Variants in SLC24A2 observed in about 807,000 individuals in gnomAD.
SLC24A2 encodes the protein solute carrier family 24 member 2, also known as sodium/potassium/calcium exchanger 2.
In SLC24A2, 36 loss-of-function variants were observed where a neutral mutation model predicts 62.0. That is an observed-to-expected ratio of 0.58 (90% CI 0.44 to 0.77). SLC24A2 has a LOEUF of 0.77. Among genes scored for constraint, SLC24A2 ranks in the 30% least tolerant of loss-of-function variants. The pLI, the probability that SLC24A2 is intolerant of heterozygous loss-of-function variation, is 0.00. For synonymous variants in SLC24A2, 358 were observed against 294.0 expected (o/e 1.22, Z -2.23); for missense variants, 846 against 817.9 (o/e 1.03, Z -0.42).
At chr9:20,174,041 A>G in the SLC24A2 span, among the ~76,000 whole-genome samples, 1 of 151,952 alleles carries the variant, frequency 6.6e-6, no homozygotes, top group African/African-American at 2.4e-5. Context: ...CCAGAAATAA[A>G]CCGAAATACT....
At chr9:20,249,895 A>T in the SLC24A2 span, among the ~76,000 whole-genome samples, 1 of 152,184 alleles carries the variant, frequency 6.6e-6, no homozygotes, top group Non-Finnish European at 1.5e-5. Context: ...ACATAGACTC[A>T]TCTGTATAGA....
chr9:19,547,649 C>T (rs914689429), intron 8 of SLC24A2, among the ~76,000 whole-genome samples: 6 of 151,610 alleles, frequency 4.0e-5, no homozygotes, highest in Non-Finnish European at 7.3e-5. Flanking sequence ...CATTCCTGCA[C>T]ATCTTCCTGA....
the SLC24A2 span, among the ~76,000 whole-genome samples, chr9:19,899,249 T>C: frequency 6.6e-6 from 1 of 152,208 alleles, no homozygotes; most frequent in Non-Finnish European, 1.5e-5. Context: ...AAGGGGAAAT[T>C]GCCCCCTTGG....
the SLC24A2 span, among the ~76,000 whole-genome samples, chr9:19,959,096 T>G: frequency 1.3e-5 from 2 of 151,826 alleles, no homozygotes; most frequent in South Asian, 2.1e-4. Flanking sequence ...CATCTCTCAC[T>G]GTAAATGTGT....
chr9:20,053,035 A>C, the SLC24A2 span, among the ~76,000 whole-genome samples: 102 of 152,310 alleles, frequency 6.7e-4, 1 homozygote, highest in East Asian at 0.018. Context: ...GTTTCATTGA[A>C]TATAAAATAT....
the SLC24A2 span, among the ~76,000 whole-genome samples, chr9:20,123,635 T>C: frequency 2.0e-5 from 3 of 152,180 alleles, no homozygotes; most frequent in Non-Finnish European, 4.4e-5. Flanking sequence ...AACGTCTGCC[T>C]CATAGGATTG....
chr9:19,550,223 A>C lies in SLC24A2; in HGVS notation c.1393T>G (p.Ser465Ala), dbSNP rs748713256. 6.2e-7 allele frequency: 1 copy of C among 1,614,174 alleles called. No individual in the cohort carries two copies. The highest frequency in any genetic ancestry group is 1.3e-5 in the African/African-American group (1 of 75,062). ...EDQPLSLAWPSETRKQVTFLI... is the reference protein window; with the variant it reads ...EDQPLSLAWPAETRKQVTFLI... ...AACGTGACTTGCTTGCGGGTTTCAG[A>C]AGGCCAGGCAAGGCTGAGAGGCTGG... is the stretch of plus-strand genomic sequence containing the variant. Residue 465 changes from serine (S) to alanine (A), a missense_variant, in exon 8 of 11, where the codon TCT becomes GCT. Coordinates refer to ENST00000341998, the MANE Select transcript of SLC24A2 (RefSeq NM_020344.4).
At chr9:19,665,529 T>C (rs1053297197) in intron 2 of SLC24A2, among the ~76,000 whole-genome samples, 7 of 152,146 alleles carry the variant, frequency 4.6e-5, no homozygotes, top group Non-Finnish European at 7.4e-5. Context: ...AAACAGGCTT[T>C]AGAATCAGGC....
chr9:19,637,528 A>G (rs759560816), intron 2 of SLC24A2, among the ~76,000 whole-genome samples: 11 of 152,226 alleles, frequency 7.2e-5, no homozygotes, highest in Admixed American at 2.6e-4. Flanking sequence ...CCCAAAACAA[A>G]TAAGAAAAAG....
chr9:20,283,580 A>C, the SLC24A2 span, among the ~76,000 whole-genome samples: 2 of 152,174 alleles, frequency 1.3e-5, no homozygotes, highest in African/African-American at 4.8e-5. Flanking sequence ...TTGCCTCTTC[A>C]GAAGAAATAA....
At chr9:19,884,541 A>G in the SLC24A2 span, among the ~76,000 whole-genome samples, 1 of 152,254 alleles carries the variant, frequency 6.6e-6, no homozygotes, top group Non-Finnish European at 1.5e-5. Flanking sequence ...GGAAGTGAAT[A>G]AAGTGCAACT....
chr9:19,821,251 C>T, the SLC24A2 span, among the ~76,000 whole-genome samples: 1 of 151,902 alleles, frequency 6.6e-6, no homozygotes, highest in African/African-American at 2.4e-5. Context: ...ATTTGATTCC[C>T]AAAATGAAAT....
the SLC24A2 span, among the ~76,000 whole-genome samples, chr9:20,304,238 T>G: frequency 0.011 from 1,607 of 152,202 alleles, 30 homozygotes; most frequent in African/African-American, 0.037. Flanking sequence ...GGATGCTCTG[T>G]CCCTCACTGC....
At position 19,648,481 on chromosome 9, in the gene SLC24A2, A is replaced by G. The variant is rs772243506; in HGVS notation, c.931-26182T>C. 5.3e-5 allele frequency among the ~76,000 whole-genome samples: 8 copies of G among 152,208 alleles called. No homozygotes were observed. The South Asian group carries it at 6.2e-4, about 12-fold the overall frequency. ...AAAGTTGAGGTAAGAAAAAGAATCA[A>G]TTTGGCTAAAACTAGAACCTACACC... is the stretch of plus-strand genomic sequence containing the variant. On this transcript the variant is annotated intron_variant, in intron 2 of 10. Coordinates refer to ENST00000341998, the MANE Select transcript of SLC24A2 (RefSeq NM_020344.4).
At chr9:19,859,007 C>G in the SLC24A2 span, among the ~76,000 whole-genome samples, 1 of 152,014 alleles carries the variant, frequency 6.6e-6, no homozygotes, top group Admixed American at 6.6e-5. Context: ...GGTATATACA[C>G]AAAGGAATAT....
chr9:19,900,519 A>G, the SLC24A2 span, among the ~76,000 whole-genome samples: 1 of 152,226 alleles, frequency 6.6e-6, no homozygotes, highest in African/African-American at 2.4e-5. Context: ...TTCTTCTACT[A>G]AAACCATCAG....
the SLC24A2 span, among the ~76,000 whole-genome samples, chr9:19,846,621 C>G: frequency 1.3e-5 from 2 of 152,222 alleles, no homozygotes; most frequent in Non-Finnish European, 2.9e-5. Flanking sequence ...AGGTTTTGAT[C>G]TTATTACAAA....
chr9:19,709,118 A>G (rs1257912184), intron 2 of SLC24A2, among the ~76,000 whole-genome samples: 1 of 152,230 alleles, frequency 6.6e-6, no homozygotes, highest in Admixed American at 6.5e-5. Context: ...ACTTCTCAAA[A>G]GAAGACATTT....
At chr9:19,980,634 C>T in the SLC24A2 span, among the ~76,000 whole-genome samples, 117,940 of 151,978 alleles carry the variant, frequency 0.78, 46,065 homozygotes, top group Non-Finnish European at 0.82. Context: ...TTTCTCACTT[C>T]CATTTGAGGC....
Sources: gnomAD v4.1 joint callset for allele counts (sites outside exome capture counted in the v4.1 genomes callset) on GRCh38, gnomAD v4.1.1 for gene constraint, MANE v1.5 for transcripts, NCBI Gene and HGNC (gene_info 2026-07-23, HGNC 2026-07-21) for gene names.